Variants in GGA3 observed in about 807,000 individuals in gnomAD.
The protein encoded by GGA3 is ADP-ribosylation factor-binding protein GGA3.
Under a neutral mutation model 77.5 loss-of-function variants are expected in GGA3, and 57 were observed. The ratio of observed to expected loss-of-function variants is 0.74; its 90% CI spans 0.59 to 0.92. The LOEUF (loss-of-function observed/expected upper bound fraction) is 0.92, where lower values mean the gene tolerates loss of function less well. GGA3 is among the 40% of genes least tolerant of loss of function. The probability of loss-of-function intolerance (pLI) is 0.00; values close to 1 mark genes in which losing one functional copy is unlikely to be tolerated. For missense variants in GGA3, 970 were observed against 914.9 expected (o/e 1.06, Z -0.78); for synonymous variants, 416 against 383.7 (o/e 1.08, Z -0.98).
chr17:75,240,777 CA>C, intron 11 of GGA3, 34 bp downstream of exon 11: 1 of 1,578,102 alleles, frequency 6.3e-7, no homozygotes, highest in African/African-American at 1.3e-5. Context: ...AGAGCCCTGT[CA>C]GGGGATGCCC....
intron 7 of GGA3, 91 bp from the exon 8 acceptor site, chr17:75,242,564 A>G: frequency 6.7e-7 from 1 of 1,482,958 alleles, no homozygotes; most frequent in African/African-American, 1.4e-5. Context: ...CAACACAAGT[A>G]CAGACGCTCG....
rs1292564144 is a variant in GGA3 at position 75,238,976 on chromosome 17, A to ACAC, written c.1885_1887dup (p.Val629dup). ...GGTAAGGGAGCCGTGTTCAGCATGG[A>ACAC]CACCACCACCACCAGCACGTCAGGT... On this transcript the variant is annotated inframe_insertion, in exon 15 of 17. Transcript: ENST00000537686. 3.7e-6 allele frequency: 6 copies of ACAC among 1,613,854 alleles called. No homozygotes were observed. The African/African-American group carries it at 4.0e-5, about 11-fold the overall frequency.
chr17:75,255,916 T>C (rs1431945030), intron 1 of GGA3, among the ~76,000 whole-genome samples: 1 of 152,216 alleles, frequency 6.6e-6, no homozygotes, highest in East Asian at 1.9e-4. Flanking sequence ...CTCAGCAAAT[T>C]ACCTGGGCTG....
chr17:75,261,657 TGCATG>T (rs1331026111), upstream of GGA3: 3 of 1,402,572 alleles, frequency 2.1e-6, no homozygotes, highest in Non-Finnish European at 2.9e-6. Flanking sequence ...GGGCGGGGCC[TGCATG>T]GGGTCCTGAG....
At chr17:75,257,036 A>AT (rs894534487) in intron 1 of GGA3, among the ~76,000 whole-genome samples, 1 of 152,008 alleles carries the variant, frequency 6.6e-6, no homozygotes, top group African/African-American at 2.4e-5. Context: ...TGAAACCTTT[A>AT]TATCCCTTAC....
At chr17:75,253,144 G>A (rs1047758049) in intron 1 of GGA3, among the ~76,000 whole-genome samples, 17 of 152,078 alleles carry the variant, frequency 1.1e-4, no homozygotes, top group Admixed American at 3.9e-4. Context: ...ATCCACCTAC[G>A]ACCTCAGGTC....
rs79858696 is a variant in GGA3 at position 75,237,504 on chromosome 17, G to A, written c.*775C>T. ...GGCCTGTCCCCACGGCTGGAGGCAC[G>A]CTTTTCCCAGAAAGCTGAGTACCTG... is the stretch of plus-strand genomic sequence containing the variant. On this transcript the variant is annotated 3_prime_UTR_variant, in exon 17 of 17. Transcript: ENST00000537686. 8.5e-6 allele frequency: 13 copies of A among 1,535,726 alleles called. No homozygotes were observed. The highest frequency in any genetic ancestry group is 4.1e-5 in the African/African-American group (3 of 73,020).
intron 1 of GGA3, among the ~76,000 whole-genome samples, chr17:75,249,494 T>C (rs2076886545): frequency 6.6e-6 from 1 of 152,248 alleles, no homozygotes; most frequent in South Asian, 2.1e-4. Context: ...CCTGCATTAC[T>C]GTATGGTAGC....
At position 75,238,938 on chromosome 17, in the gene GGA3, G is replaced by A. The variant is rs142917441; in HGVS notation, c.1926C>T (p.Ile642=). 198 of 1,613,954 alleles carry A rather than the reference G, an allele frequency of 1.2e-4. No individual in the cohort carries two copies. Among genetic ancestry groups the A allele is most frequent in the Non-Finnish European group, 1.6e-4 (191 of 1,179,998 alleles). ...LNTAPLPVKS[I]VLQAAVPKSM... ...CCTTGGGCACTGCAGCCTGCAGCAC[G>A]ATGCTCTTGACAGGTAAGGGAGCCG... Residue 642 remains isoleucine, a synonymous_variant, in exon 15 of 17, where the codon ATC becomes ATT. Transcript: ENST00000537686.
At chr17:75,239,326 G>C (rs373131942) in intron 14 of GGA3, 49 bp downstream of exon 14, 3 of 1,434,348 alleles carry the variant, frequency 2.1e-6, no homozygotes, top group Non-Finnish European at 2.8e-6. Flanking sequence ...CTACAGCTCC[G>C]TGGCTATAGG....
intron 1 of GGA3, among the ~76,000 whole-genome samples, chr17:75,258,932 G>A (rs1191930092): frequency 2.0e-5 from 3 of 149,006 alleles, no homozygotes; most frequent in Admixed American, 6.7e-5. Context: ...GAATGCCGGC[G>A]TTTTAGCACT....
In GGA3 at chr17:75,237,469, T is replaced by G. The variant is rs768076157; in HGVS notation, c.*810A>C. On this transcript the variant is annotated 3_prime_UTR_variant, in exon 17 of 17. Transcript: ENST00000537686. ...TTATTTCATGCCAAGCAAGAGGTAG[T>G]CAGTAGGATGGCCTGTCCCCACGGC... 6.5e-7 allele frequency: 1 copy of G among 1,534,160 alleles called. No homozygotes were observed.
rs866682922 is a variant in GGA3 at position 75,238,661 on chromosome 17, A to G, written c.2052T>C (p.Asn684=). ...GTTCTTTGCTGCTCACCTTCAGTGG[A>G]TTGGCCAGCAACATGACCTGGGTGA... ...AAITQVMLLA[N]PLKEKVRLRY... is the part of the protein sequence containing the mutation. The change falls in exon 16 of 17, where the codon AAT becomes AAC. Residue 684 remains asparagine (N), a synonymous_variant. Transcript: ENST00000537686. 3.7e-6 allele frequency: 6 copies of G among 1,611,380 alleles called. No individual in the cohort carries two copies. The Middle Eastern group carries it at 1.0e-3, about 267-fold the overall frequency.
At chr17:75,241,173 G>A (rs1007043778) in intron 10 of GGA3, 116 bp from the exon 11 acceptor site, 62 of 1,243,346 alleles carry the variant, frequency 5.0e-5, no homozygotes, top group Admixed American at 7.1e-5. Context: ...CTAATCCAAC[G>A]GCATCTCTGC....
intron 1 of GGA3, among the ~76,000 whole-genome samples, chr17:75,248,193 C>T (rs1456911621): frequency 4.6e-5 from 7 of 152,066 alleles, no homozygotes; most frequent in South Asian, 4.1e-4. Context: ...GCTACGGGGC[C>T]GGGCGTGGTG....
chr17:75,249,077 G>T, intron 1 of GGA3: 3 of 850,678 alleles, frequency 3.5e-6, no homozygotes, highest in Non-Finnish European at 4.2e-6. Context: ...ATTGAGTCTC[G>T]CTGTGTCACC....
chr17:75,261,588 A>G lies in GGA3; in HGVS notation c.-1T>C. 2 of 1,549,440 alleles carry G rather than the reference A, an allele frequency of 1.3e-6. No individual in the cohort carries two copies. The highest frequency in any genetic ancestry group is 1.7e-6 in the Non-Finnish European group (2 of 1,149,888). On this transcript the variant is annotated 5_prime_UTR_variant, in exon 1 of 17. Transcript: ENST00000537686. ...GGCTTTCCCCTTCCGCCTCCGCCAT[A>G]TTGCAGCCGCCCGGCCCCGCGGCTT...
Position 75,251,685 on chromosome 17 carries a change from G to T in GGA3, c.41-4889C>A, listed in dbSNP as rs139279781. ...TGTGCCACTGCACTCTAGCCTGGGC[G>T]ACTAGAGTGAGACTCCTTCTCAAAA... On this transcript the variant is annotated intron_variant, in intron 1 of 16. Coordinates refer to ENST00000537686, the MANE Select transcript of GGA3 (RefSeq NM_138619.4). 8.3e-3 allele frequency among the ~76,000 whole-genome samples: 955 copies of T among 114,778 alleles called. 15 individuals carry two copies. Among genetic ancestry groups the T allele is most frequent in the African/African-American group, 0.031 (903 of 29,412 alleles). 75.3% of individuals were successfully genotyped at this position (114,778 alleles called of 152,430 possible).
At chr17:75,246,925 TAG>T (rs1310512996) in intron 1 of GGA3, 129 bp from the exon 2 acceptor site, 14 of 675,820 alleles carry the variant, frequency 2.1e-5, no homozygotes, top group Non-Finnish European at 3.6e-5. Flanking sequence ...GAAGCCTCAG[TAG>T]AACAGTCAGT....
Sources: allele counts gnomAD v4.1 joint callset (sites outside exome capture counted in the v4.1 genomes callset), GRCh38; gene constraint gnomAD v4.1.1; transcripts MANE v1.5; gene names NCBI Gene and HGNC (gene_info 2026-07-23, HGNC 2026-07-21).